Variants in VIT observed in about 807,000 individuals in gnomAD.
VIT encodes vitrin.
VIT carries 99 observed loss-of-function variants against 78.0 expected under a neutral mutation model. That is an observed-to-expected ratio of 1.27 (90% confidence interval 1.08 to 1.50). The LOEUF (loss-of-function observed/expected upper bound fraction) is 1.50, where lower values mean the gene tolerates loss of function less well. Among genes scored for constraint, VIT ranks in the 40% most tolerant of loss-of-function variants. The probability of loss-of-function intolerance (pLI) is 0.00; values close to 1 mark genes in which losing one functional copy is unlikely to be tolerated. For synonymous variants in VIT, 374 were observed against 334.3 expected (o/e 1.12, Z -1.29); for missense variants, 1,126 against 875.3 (o/e 1.29, Z -3.61).
At chr2:36,804,185 C>T (rs1448978871) in intron 13 of VIT, among the ~76,000 whole-genome samples, 1 of 152,196 alleles carries the variant, frequency 6.6e-6, no homozygotes, top group Non-Finnish European at 1.5e-5. Flanking sequence ...AAGTAGATTG[C>T]TGTTATGGAA....
At chr2:36,799,712 G>T (rs1666174617) in intron 12 of VIT, among the ~76,000 whole-genome samples, 1 of 81,838 alleles carries the variant, frequency 1.2e-5, no homozygotes. Context: ...ACGAAACCCT[G>T]TCTCTGAAAA....
intron 1 of VIT, among the ~76,000 whole-genome samples, chr2:36,700,096 C>G (rs1039875099): frequency 4.6e-5 from 7 of 152,114 alleles, no homozygotes; most frequent in Non-Finnish European, 1.0e-4. Flanking sequence ...AATCTTCAAA[C>G]TTTTACACAT....
intron 13 of VIT, among the ~76,000 whole-genome samples, chr2:36,803,619 G>A (rs1666488107): frequency 6.6e-6 from 1 of 152,198 alleles, no homozygotes; most frequent in Non-Finnish European, 1.5e-5. Flanking sequence ...CTTAGCAAGT[G>A]GGTTCTGTGC....
chr2:36,747,345 A>G (rs183457622), intron 4 of VIT, among the ~76,000 whole-genome samples: 27 of 152,266 alleles, frequency 1.8e-4, no homozygotes, highest in Non-Finnish European at 2.8e-4. Context: ...TAAGTCCAGA[A>G]TTTCTTTGTC....
chr2:36,711,284 C>T (rs894297321), intron 1 of VIT, among the ~76,000 whole-genome samples: 7 of 152,208 alleles, frequency 4.6e-5, no homozygotes, highest in African/African-American at 1.7e-4. Flanking sequence ...CCACATTTGA[C>T]AAAGTGCATT....
chr2:36,783,265 A>G, intron 10 of VIT, 75 bp from the exon 11 acceptor site: 1 of 1,473,864 alleles, frequency 6.8e-7, no homozygotes, highest in Non-Finnish European at 9.4e-7. Context: ...AATATCCATT[A>G]TGTCCCCTCC....
chr2:36,813,447 T>TCAAA (rs1242162523), intron 15 of VIT, among the ~76,000 whole-genome samples: 1 of 152,104 alleles, frequency 6.6e-6, no homozygotes, highest in African/African-American at 2.4e-5. Context: ...AGATTCTGTC[T>TCAAA]CAAACAAACA....
In VIT at chr2:36,770,898, G is replaced by T. The variant is rs994014785; in HGVS notation, c.680-2893G>T. Among the ~76,000 whole-genome samples, 4 of 152,296 alleles carry T rather than the reference G, an allele frequency of 2.6e-5. No homozygotes were observed. The East Asian group carries it at 7.7e-4, about 29-fold the overall frequency. Reference sequence around the variant, plus strand: ...GAGGGGAGAAGAGCGCCGCCTAGTGGCAGGGAATAGCGATGACAGAGATCC... The same window carrying T: ...GAGGGGAGAAGAGCGCCGCCTAGTGTCAGGGAATAGCGATGACAGAGATCC... On this transcript the variant is annotated intron_variant, in intron 7 of 15. Coordinates refer to ENST00000379242, the MANE Select transcript of VIT (RefSeq NM_053276.4).
At chr2:36,702,510 G>A (rs1258943765) in intron 1 of VIT, among the ~76,000 whole-genome samples, 1 of 152,102 alleles carries the variant, frequency 6.6e-6, no homozygotes, top group East Asian at 1.9e-4. Flanking sequence ...ACGTAAAGAT[G>A]ATATTCAAGC....
chr2:36,707,304 G>A lies in VIT; in HGVS notation c.-18-9049G>A, dbSNP rs555675859. 4.3e-4 allele frequency among the ~76,000 whole-genome samples: 65 copies of A among 152,232 alleles called. No homozygotes were observed. The South Asian group carries it at 0.013, about 30-fold the overall frequency. On this transcript the variant is annotated intron_variant, in intron 1 of 15. Transcript: ENST00000379242. ...TGGCTGCCCTCCTCCCCTCGAGTTAGCATTTTCCTCGGCTGGACTTTTCTC... is the reference window on the plus strand; with the variant it reads ...TGGCTGCCCTCCTCCCCTCGAGTTAACATTTTCCTCGGCTGGACTTTTCTC...
At chr2:36,725,537 G>T (rs758995709) in intron 2 of VIT, among the ~76,000 whole-genome samples, 7 of 132,130 alleles carry the variant, frequency 5.3e-5, no homozygotes, top group Non-Finnish European at 9.2e-5. Flanking sequence ...CCTCCCAAAG[G>T]CTCCACTTTC....
At chr2:36,762,725 C>T (rs1360109508) in intron 6 of VIT, among the ~76,000 whole-genome samples, 1 of 152,148 alleles carries the variant, frequency 6.6e-6, no homozygotes, top group African/African-American at 2.4e-5. Context: ...AAAAATGTGT[C>T]CCGTCTCTCT....
At chr2:36,744,443 A>G (rs1668016877) in intron 4 of VIT, among the ~76,000 whole-genome samples, 1 of 152,232 alleles carries the variant, frequency 6.6e-6, no homozygotes, top group Non-Finnish European at 1.5e-5. Context: ...TCCCACCAAC[A>G]ATGTATAAGC....
intron 14 of VIT, among the ~76,000 whole-genome samples, chr2:36,805,882 C>T (rs1009533890): frequency 3.9e-5 from 6 of 152,106 alleles, no homozygotes; most frequent in African/African-American, 9.7e-5. Context: ...GCAGTGTACT[C>T]GAATTCTCAG....
intron 3 of VIT, among the ~76,000 whole-genome samples, chr2:36,739,210 C>A (rs1667686430): frequency 6.6e-6 from 1 of 151,988 alleles, no homozygotes; most frequent in South Asian, 2.1e-4. Context: ...TCCTTATTAA[C>A]AGGCATGAGG....
chr2:36,738,308 T>A (rs1667630242), intron 3 of VIT, among the ~76,000 whole-genome samples: 1 of 152,222 alleles, frequency 6.6e-6, no homozygotes. Flanking sequence ...AGTTCAGGTC[T>A]TAGTTCTGCC....
At chr2:36,801,599 G>C (rs1262143511) in intron 13 of VIT, among the ~76,000 whole-genome samples, 195 bp downstream of exon 13, 2 of 152,124 alleles carry the variant, frequency 1.3e-5, no homozygotes, top group Non-Finnish European at 2.9e-5. Context: ...CTTGAGGTCA[G>C]GAATTCAAGA....
intron 13 of VIT, among the ~76,000 whole-genome samples, chr2:36,802,399 A>G (rs920869255): frequency 2.6e-5 from 4 of 152,228 alleles, no homozygotes; most frequent in Non-Finnish European, 5.9e-5. Flanking sequence ...CTTGGCTTAG[A>G]GTACATGCAG....
At chr2:36,793,840 C>G (rs1665672086) in intron 12 of VIT, among the ~76,000 whole-genome samples, 1 of 152,144 alleles carries the variant, frequency 6.6e-6, no homozygotes, top group African/African-American at 2.4e-5. Context: ...CCAGTAGACC[C>G]TGGGGCTTAA....
Sources: gnomAD v4.1 joint callset for allele counts (sites outside exome capture counted in the v4.1 genomes callset) on GRCh38, gnomAD v4.1.1 for gene constraint, MANE v1.5 for transcripts, NCBI Gene and HGNC (gene_info 2026-07-23, HGNC 2026-07-21) for gene names.